PCDHGA6: variants seen among roughly 807,000 people sequenced by gnomAD.
PCDHGA6 encodes the protein protocadherin gamma subfamily A, 6.
Under a neutral mutation model 60.6 loss-of-function variants are expected in PCDHGA6, and 41 were observed. The ratio of observed to expected loss-of-function variants is 0.68; its 90% CI spans 0.53 to 0.88. The LOEUF (loss-of-function observed/expected upper bound fraction) is 0.88, where lower values mean the gene tolerates loss of function less well. PCDHGA6 is among the 40% of genes least tolerant of loss of function. PCDHGA6 has a pLI of 0.00. For missense variants in PCDHGA6, 1,312 were observed against 1,203.0 expected, an observed-to-expected ratio of 1.09 and a Z score of -1.34; for synonymous variants, 594 against 524.4, an observed-to-expected ratio of 1.13 and a Z score of -1.81.
intron 1 of PCDHGA6, chr5:141,475,850 G>C (rs2099376325): frequency 8.6e-6 from 4 of 464,524 alleles, no homozygotes; most frequent in Non-Finnish European, 1.5e-5. Flanking sequence ...AGAGAGCCCG[G>C]CGCTAGCTCA....
intron 1 of PCDHGA6, chr5:141,427,261 C>A (rs903526432): frequency 1.5e-5 from 7 of 456,556 alleles, no homozygotes; most frequent in African/African-American, 4.0e-5. Flanking sequence ...GGAGGCATGA[C>A]CAGCGAATGT....
chr5:141,494,234 A>G (rs1299510042), intron 1 of PCDHGA6, among the ~76,000 whole-genome samples: 1 of 152,138 alleles, frequency 6.6e-6, no homozygotes, highest in Non-Finnish European at 1.5e-5. Context: ...CTAAATTAAT[A>G]ATGTATTTAG....
chr5:141,457,694 C>T (rs891323419), intron 1 of PCDHGA6, among the ~76,000 whole-genome samples: 4 of 152,214 alleles, frequency 2.6e-5, no homozygotes, highest in Non-Finnish European at 5.9e-5. Context: ...TTTGGATTGG[C>T]TTTGATGAAA....
rs758578821 is a variant in PCDHGA6 at position 141,486,659 on chromosome 5, G to C, written c.2425-8148G>C. The C allele has an allele frequency of 6.8e-6, 11 of 1,613,944 alleles. No individual in the cohort carries two copies. The highest frequency in any genetic ancestry group is 8.5e-6 in the Non-Finnish European group (10 of 1,180,026). On this transcript the variant is annotated intron_variant, in intron 1 of 3. Coordinates refer to ENST00000517434, the MANE Select transcript of PCDHGA6 (RefSeq NM_018919.3). The surrounding 1 kb of genome is among the most constrained non-coding windows in gnomAD (Gnocchi z 5.0). ...TGCGCTTATCTCCTACTCACTCCTGGAGCCCAGGAATCGAGATGTATCAGC... is the reference window on the plus strand; with the variant it reads ...TGCGCTTATCTCCTACTCACTCCTGCAGCCCAGGAATCGAGATGTATCAGC...
chr5:141,491,810 G>T lies in PCDHGA6; in HGVS notation c.2425-2997G>T. 1 of 1,486,878 alleles carries T rather than the reference G, an allele frequency of 6.7e-7. No individual in the cohort carries two copies. The allele number at this position is 1,486,878 out of a possible 1,614,324, so 92.1% of individuals were successfully genotyped here. A position where few individuals can be genotyped will look rare whatever the true frequency, so the allele number is the denominator to read the frequency against. ...CCACTCCTCTCCGGCCGGCTTGGTC[G>T]CTGGCTGCGCTCCACCCGATTCTCG... On this transcript the variant is annotated intron_variant, in intron 1 of 3. Coordinates refer to ENST00000517434, the MANE Select transcript of PCDHGA6 (RefSeq NM_018919.3). This position sits in a 1 kb window ranked among gnomAD's most constrained non-coding sequence, Gnocchi z 6.9.
chr5:141,393,789 G>T (rs889575374), intron 1 of PCDHGA6: 1 of 1,613,958 alleles, frequency 6.2e-7, no homozygotes, highest in African/African-American at 1.3e-5. Context: ...AGATGTGGGG[G>T]CACTTCTGGG....
intron 1 of PCDHGA6, among the ~76,000 whole-genome samples, chr5:141,463,572 C>T (rs1462125489): frequency 6.6e-6 from 1 of 151,572 alleles, no homozygotes; most frequent in African/African-American, 2.4e-5. Context: ...CCTCAGCCTC[C>T]CGAGTAGCTG....
chr5:141,446,797 A>G lies in PCDHGA6; in HGVS notation c.2425-48010A>G, dbSNP rs559881142. ...CCATTCTTTTACTCTGAGTTCTTCC[A>G]TTGTGATCATCTAGTCAGATGGGTA... is the stretch of plus-strand genomic sequence containing the variant. On this transcript the variant is annotated intron_variant, in intron 1 of 3. Coordinates refer to ENST00000517434, the MANE Select transcript of PCDHGA6 (RefSeq NM_018919.3). Among the ~76,000 whole-genome samples, 48 of 152,224 alleles carry G rather than the reference A, an allele frequency of 3.2e-4. No individual in the cohort carries two copies. In the South Asian group the frequency reaches 7.3e-3, roughly 23 times the overall value.
intron 1 of PCDHGA6, among the ~76,000 whole-genome samples, chr5:141,407,534 A>G (rs72790039): frequency 0.022 from 3,304 of 149,594 alleles, 53 homozygotes; most frequent in South Asian, 0.039. Context: ...CTTATTGTGC[A>G]TTGGTAACAG....
chr5:141,478,327 A>G lies in PCDHGA6; in HGVS notation c.2425-16480A>G, dbSNP rs149317962. The G allele has an allele frequency of 9.9e-6, 16 of 1,613,974 alleles. No homozygotes were observed. The African/African-American group carries it at 2.0e-4, about 20-fold the overall frequency. The stretch of plus-strand genomic sequence containing the variant: ...CCCCGGTGAGCTCACTGTACCGAAC[A>G]CCAGGGCCCTCCTTGCACGCGGACG... On this transcript the variant is annotated intron_variant, in intron 1 of 3. Transcript: ENST00000517434.
rs934044974 is a variant in PCDHGA6, at chr5:141,476,034, C to T, written c.2425-18773C>T. 3 of 1,464,488 alleles carry T rather than the reference C, an allele frequency of 2.0e-6. No individual in the cohort carries two copies. The highest frequency in any genetic ancestry group is 2.3e-5 in the Admixed American group (1 of 44,364). The allele number at this position is 1,464,488 out of a possible 1,614,324, so 90.7% of individuals were successfully genotyped here. A position where few individuals can be genotyped will look rare whatever the true frequency, so the allele number is the denominator to read the frequency against. On this transcript the variant is annotated intron_variant, in intron 1 of 3. Transcript: ENST00000517434. The surrounding 1 kb of genome is among the most constrained non-coding windows in gnomAD (Gnocchi z 7.6). ...CCATGTCGGACTCGGCGCCCAGCGC[C>T]CAAGCGCTAACCCGCTGAAAGTTTC...
At chr5:141,463,629 GTT>G (rs923584581) in intron 1 of PCDHGA6, among the ~76,000 whole-genome samples, 5 of 151,314 alleles carry the variant, frequency 3.3e-5, no homozygotes, top group Middle Eastern at 3.4e-3. Flanking sequence ...TTTGTATTTT[GTT>G]TAGTAGAGAC....
In PCDHGA6 at chr5:141,431,150, C is replaced by A. The variant is rs1007532359; in HGVS notation, c.2424+54643C>A. On this transcript the variant is annotated intron_variant, in intron 1 of 3. Transcript: ENST00000517434. The surrounding 1 kb of genome is among the most constrained non-coding windows in gnomAD (Gnocchi z 4.8). ...AGTAAGGGACATTAACGACAATGCGCCTTACTTTCGTGAAAGTGAATTAGA... is the reference window on the plus strand; with the variant it reads ...AGTAAGGGACATTAACGACAATGCGACTTACTTTCGTGAAAGTGAATTAGA... The A allele has an allele frequency of 1.2e-6, 2 of 1,614,226 alleles. No individual in the cohort carries two copies. The highest frequency in any genetic ancestry group is 1.7e-6 in the Non-Finnish European group (2 of 1,180,030).
chr5:141,414,822 C>G, intron 1 of PCDHGA6: 3 of 1,614,240 alleles, frequency 1.9e-6, no homozygotes, highest in Non-Finnish European at 2.5e-6. Flanking sequence ...TCAGCAGCAA[C>G]GTGTCGTTGA....
intron 1 of PCDHGA6, among the ~76,000 whole-genome samples, chr5:141,460,672 TATATCTATATA>T (rs2098995194): frequency 6.6e-6 from 1 of 152,086 alleles, no homozygotes; most frequent in Admixed American, 6.6e-5. Flanking sequence ...AACACAGTTA[TATATCTATATA>T]TCCACCAACA....
chr5:141,506,896 T>C (rs1417106112), intron 3 of PCDHGA6, among the ~76,000 whole-genome samples: 3 of 152,158 alleles, frequency 2.0e-5, no homozygotes, highest in African/African-American at 7.2e-5. Flanking sequence ...CAAGAAGCAC[T>C]GTCATCACAC....
At chr5:141,447,238 C>T (rs1028683423) in intron 1 of PCDHGA6, among the ~76,000 whole-genome samples, 1 of 152,148 alleles carries the variant, frequency 6.6e-6, no homozygotes, top group Non-Finnish European at 1.5e-5. Context: ...CTCCCGGGTT[C>T]AAGTGATTCT....
intron 1 of PCDHGA6, chr5:141,395,285 T>A: frequency 6.5e-7 from 1 of 1,535,168 alleles, no homozygotes; most frequent in Non-Finnish European, 8.8e-7. Context: ...GAATTTTATT[T>A]GGCATAAATT....
At chr5:141,399,593 C>T in intron 1 of PCDHGA6, 1 of 1,613,988 alleles carries the variant, frequency 6.2e-7, no homozygotes, top group Non-Finnish European at 8.5e-7. Flanking sequence ...TCTATCATGG[C>T]CAGCGACCTA....
Sources: allele counts gnomAD v4.1 joint callset (sites outside exome capture counted in the v4.1 genomes callset), GRCh38; gene constraint gnomAD v4.1.1; non-coding constraint Gnocchi (gnomAD v3.1); transcripts MANE v1.5; gene names NCBI Gene and HGNC (gene_info 2026-07-23, HGNC 2026-07-21).